Variants in TTYH2 observed in about 807,000 individuals in gnomAD.
TTYH2 encodes protein tweety homolog 2.
A neutral mutation model predicts 68.3 loss-of-function variants in TTYH2; 49 were observed. The observed-to-expected ratio is 0.72, with a 90% CI of 0.57 to 0.91. The LOEUF (loss-of-function observed/expected upper bound fraction) is 0.91, where lower values mean the gene tolerates loss of function less well. TTYH2 is among the 40% of genes least tolerant of loss of function. The pLI is 0.00. For synonymous variants in TTYH2, 272 were observed against 300.8 expected (o/e 0.90, Z 0.99); for missense variants, 631 against 700.4 (o/e 0.90, Z 1.12).
At position 74,217,067 on chromosome 17, in the gene TTYH2, AG is replaced by A. The variant is rs2050227925; in HGVS notation, c.129+3353del. ...CAATGTCTCTCTGAGCAAATGAACGAGGCACTTCGGTGTCCCTGCCTGAGCG... is the reference window on the plus strand; with the variant it reads ...CAATGTCTCTCTGAGCAAATGAACGAGCACTTCGGTGTCCCTGCCTGAGCG... On this transcript the variant is annotated intron_variant, in intron 1 of 13. Transcript: ENST00000269346. The surrounding 1 kb of genome is among the most constrained non-coding windows in gnomAD (Gnocchi z 4.0). Among the ~76,000 whole-genome samples the A allele has an allele frequency of 6.6e-6, 1 of 152,218 alleles. No homozygotes were observed. The highest frequency in any genetic ancestry group is 2.4e-5 in the African/African-American group (1 of 41,454).
intron 10 of TTYH2, 48 bp from the exon 11 acceptor site, chr17:74,252,186 C>T: frequency 6.2e-7 from 1 of 1,605,234 alleles, no homozygotes; most frequent in East Asian, 2.2e-5. Context: ...GGCCCGCAGG[C>T]TTTGCCCCCG....
chr17:74,252,146 C>T (rs114484988), intron 10 of TTYH2, 88 bp from the exon 11 acceptor site: 20 of 1,557,106 alleles, frequency 1.3e-5, no homozygotes, highest in African/African-American at 4.0e-5. Flanking sequence ...GGTCCAGGCT[C>T]GGGGGAGAGG....
intron 9 of TTYH2, 85 bp from the exon 10 acceptor site, chr17:74,250,180 C>T (rs1216354031): frequency 2.7e-6 from 4 of 1,474,580 alleles, no homozygotes; most frequent in African/African-American, 1.4e-5. Flanking sequence ...GCTCTAGAGG[C>T]CCCTGAGCAC....
At chr17:74,219,283 G>C (rs1215623276) in intron 1 of TTYH2, among the ~76,000 whole-genome samples, 2 of 151,234 alleles carry the variant, frequency 1.3e-5, no homozygotes, top group African/African-American at 4.9e-5. Context: ...CAGATACTCA[G>C]GAGGCTGAGG....
At position 74,248,728 on chromosome 17, in the gene TTYH2, A is replaced by G. The variant is rs1445424050; in HGVS notation, c.805-283A>G. ...AGAGTAACAGCATGCGCTCTGCCCC[A>G]GTCACTTTTCTGAGCACTTTACTTG... is the stretch of plus-strand genomic sequence containing the variant. On this transcript the variant is annotated intron_variant, in intron 6 of 13. Coordinates refer to ENST00000269346, the MANE Select transcript of TTYH2 (RefSeq NM_032646.6). 20 of 1,348,158 alleles carry G rather than the reference A, an allele frequency of 1.5e-5. No homozygotes were observed. The East Asian group carries it at 3.1e-4, about 21-fold the overall frequency. 83.5% of individuals were successfully genotyped at this position (1,348,158 alleles called of 1,614,324 possible).
In TTYH2 at chr17:74,217,325, AT is replaced by A. The variant is rs978568249; in HGVS notation, c.129+3617del. ...TTAGGAGGCAGAGGAGATGTTGTTA[AT>A]TTTTTTTGTATTTAGGCATGTATTT... On this transcript the variant is annotated intron_variant, in intron 1 of 13. Transcript: ENST00000269346. The surrounding 1 kb of genome is among the most constrained non-coding windows in gnomAD (Gnocchi z 4.0). Among the ~76,000 whole-genome samples the A allele has an allele frequency of 6.6e-6, 1 of 151,924 alleles. No individual in the cohort carries two copies. Among genetic ancestry groups the A allele is most frequent in the African/African-American group, 2.4e-5 (1 of 41,360 alleles).
rs760093052 is a variant in TTYH2, at chr17:74,231,013, G to A, written c.414+14G>A. Reference sequence around the variant, plus strand: ...ATCGATGCTCTGGTAAGGCTCCCGGGCAGCTGGCCGGGTACAGGCACAGCC... The same window carrying A: ...ATCGATGCTCTGGTAAGGCTCCCGGACAGCTGGCCGGGTACAGGCACAGCC... On this transcript the variant is annotated intron_variant, in intron 3 of 13. Coordinates refer to ENST00000269346, the MANE Select transcript of TTYH2 (RefSeq NM_032646.6). 1.9e-6 allele frequency: 3 copies of A among 1,610,918 alleles called. No homozygotes were observed. The highest frequency in any genetic ancestry group is 1.7e-4 in the Middle Eastern group (1 of 5,726).
chr17:74,246,615 T>C (rs190007654), intron 6 of TTYH2, among the ~76,000 whole-genome samples: 1 of 152,292 alleles, frequency 6.6e-6, no homozygotes, highest in East Asian at 1.9e-4. Context: ...GCCCCAACTA[T>C]GCTCAGTGAC....
rs73356606 is a variant in TTYH2 at position 74,222,814 on chromosome 17, G to A, written c.302+157G>A. Among the ~76,000 whole-genome samples, 20 of 151,958 alleles carry A rather than the reference G, an allele frequency of 1.3e-4. No homozygotes were observed. Among genetic ancestry groups the A allele is most frequent in the African/African-American group, 4.8e-4 (20 of 41,426 alleles). The stretch of plus-strand genomic sequence containing the variant: ...TTTTTTTTTTTTTACCAAGCATCAG[G>A]AATCAGATGCCTGGGGTGGTGATGG... On this transcript the variant is annotated intron_variant, in intron 2 of 13. Coordinates refer to ENST00000269346, the MANE Select transcript of TTYH2 (RefSeq NM_032646.6). The surrounding 1 kb of genome is among the most constrained non-coding windows in gnomAD (Gnocchi z 5.2).
In TTYH2 at chr17:74,246,352, G is replaced by A. The variant is rs549378156; in HGVS notation, c.804+2303G>A. Among the ~76,000 whole-genome samples, 8 of 152,286 alleles carry A rather than the reference G, an allele frequency of 5.3e-5. No homozygotes were observed. The South Asian group carries it at 1.7e-3, about 32-fold the overall frequency. The stretch of plus-strand genomic sequence containing the variant: ...AGTTCCTGAGGTTTTCTGTGCCTCA[G>A]CTTCCTCCTAGGTGAACACAGAGAA... On this transcript the variant is annotated intron_variant, in intron 6 of 13. Coordinates refer to ENST00000269346, the MANE Select transcript of TTYH2 (RefSeq NM_032646.6).
chr17:74,249,002 C>T lies in TTYH2; in HGVS notation c.805-9C>T. 1 of 1,614,192 alleles carries T rather than the reference C, an allele frequency of 6.2e-7. No individual in the cohort carries two copies. The highest frequency in any genetic ancestry group is 8.5e-7 in the Non-Finnish European group (1 of 1,180,016). ...TTTCCTCCACCCCGTCCCTCTCTCC[C>T]TCACTCAGGCCACCAGTGACTTCTG... On this transcript the variant is annotated splice_polypyrimidine_tract_variant and intron_variant, in intron 6 of 13. Transcript: ENST00000269346.
At chr17:74,227,194 C>G (rs1479155853) in intron 2 of TTYH2, among the ~76,000 whole-genome samples, 1 of 152,120 alleles carries the variant, frequency 6.6e-6, no homozygotes, top group African/African-American at 2.4e-5. Flanking sequence ...AGGCTGGTCT[C>G]AAACTCTTGA....
chr17:74,229,287 G>A (rs1443129054), intron 2 of TTYH2, among the ~76,000 whole-genome samples: 1 of 152,130 alleles, frequency 6.6e-6, no homozygotes, highest in Non-Finnish European at 1.5e-5. Flanking sequence ...AGAATCCCCT[G>A]GGGGCTGGTA....
chr17:74,231,116 C>T (rs745407188), intron 3 of TTYH2, 117 bp downstream of exon 3: 46 of 945,714 alleles, frequency 4.9e-5, no homozygotes, highest in Middle Eastern at 3.4e-4. Context: ...GGCTGTGTGA[C>T]GCCTGAGGGC....
chr17:74,240,438 CA>C (rs762865595), intron 4 of TTYH2, among the ~76,000 whole-genome samples: 3,485 of 117,736 alleles, frequency 0.03, 105 homozygotes, highest in African/African-American at 0.092. Flanking sequence ...GACTCTGTCT[CA>C]AAAAAAAAAA....
At chr17:74,238,248 T>TG (rs904035614) in intron 4 of TTYH2, among the ~76,000 whole-genome samples, 2 of 152,084 alleles carry the variant, frequency 1.3e-5, no homozygotes, top group African/African-American at 2.4e-5. Flanking sequence ...CACAGGGTTA[T>TG]GGGGGGTTGA....
rs149856728 is a variant in TTYH2 at position 74,252,283 on chromosome 17, T to G, written c.1166T>G (p.Leu389Trp). 1.1e-4 allele frequency: 181 copies of G among 1,613,730 alleles called. No homozygotes were observed. Among genetic ancestry groups the G allele is most frequent in the Non-Finnish European group, 1.4e-4 (170 of 1,180,054 alleles). ...AGICYDGLQG[L>W]LYLGLFSFLA... is the part of the protein sequence containing the mutation. ...ATCTGCTACGACGGCCTCCAGGGCT[T>G]GCTGTACCTTGGCCTCTTCTCCTTC... The change falls in exon 11 of 14, where the codon TTG becomes TGG. Residue 389 changes from leucine (L) to tryptophan (W), a missense_variant. Transcript: ENST00000269346.
chr17:74,228,478 A>G (rs2050354816), intron 2 of TTYH2, among the ~76,000 whole-genome samples: 1 of 152,212 alleles, frequency 6.6e-6, no homozygotes, highest in Non-Finnish European at 1.5e-5. Context: ...GTCAGATGGA[A>G]TATGATGGAT....
intron 1 of TTYH2, among the ~76,000 whole-genome samples, chr17:74,220,628 T>C (rs2050266252): frequency 1.3e-5 from 2 of 152,038 alleles, no homozygotes; most frequent in African/African-American, 2.4e-5. Context: ...CTTTCCACCA[T>C]CTCTTTCTAT....
Sources: gnomAD v4.1 joint callset for allele counts (sites outside exome capture counted in the v4.1 genomes callset) on GRCh38, gnomAD v4.1.1 for gene constraint, Gnocchi (gnomAD v3.1) non-coding constraint, MANE v1.5 for transcripts, NCBI Gene and HGNC (gene_info 2026-07-23, HGNC 2026-07-21) for gene names.